The following ZBTB20 variants were observed in gnomAD, a reference collection of about 807,000 sequenced individuals.
The protein encoded by ZBTB20 is zinc finger and BTB domain containing 20.
Under a neutral mutation model 56.9 loss-of-function variants are expected in ZBTB20, and 9 were observed. The ratio of observed to expected loss-of-function variants is 0.16; its 90% CI spans 0.10 to 0.28. The LOEUF (loss-of-function observed/expected upper bound fraction) is 0.28, where lower values mean the gene tolerates loss of function less well. ZBTB20 is among the 10% of genes least tolerant of loss of function. The probability of loss-of-function intolerance (pLI) is 1.00; values close to 1 mark genes in which losing one functional copy is unlikely to be tolerated. For missense variants in ZBTB20, 655 were observed against 1,003.0 expected, an observed-to-expected ratio of 0.65 and a Z score of 4.69; for synonymous variants, 417 against 420.7, an observed-to-expected ratio of 0.99 and a Z score of 0.11.
chr3:114,535,685 C>CA (rs1009035441), intron 6 of ZBTB20, among the ~76,000 whole-genome samples: 2 of 151,948 alleles, frequency 1.3e-5, no homozygotes, highest in African/African-American at 4.8e-5. Context: ...AGAGTCACAA[C>CA]AAAAAAAGGA....
At chr3:114,387,063 C>T (rs955076659) in intron 8 of ZBTB20, among the ~76,000 whole-genome samples, 3 of 151,952 alleles carry the variant, frequency 2.0e-5, no homozygotes, top group East Asian at 1.9e-4. Flanking sequence ...TCACCTCTGC[C>T]GTGACAGACT....
chr3:114,596,371 C>G (rs955585701), intron 6 of ZBTB20, among the ~76,000 whole-genome samples: 1 of 152,148 alleles, frequency 6.6e-6, no homozygotes, highest in African/African-American at 2.4e-5. Flanking sequence ...TTTTATAATA[C>G]TGCTTTTTGA....
At chr3:114,555,252 C>T (rs926392966) in intron 6 of ZBTB20, among the ~76,000 whole-genome samples, 8 of 152,108 alleles carry the variant, frequency 5.3e-5, no homozygotes, top group African/African-American at 1.7e-4. Flanking sequence ...TTGACAATCA[C>T]GTTGCAACTC....
intron 7 of ZBTB20, among the ~76,000 whole-genome samples, chr3:114,415,601 T>C (rs957287704): frequency 2.6e-5 from 4 of 152,156 alleles, no homozygotes; most frequent in Non-Finnish European, 5.9e-5. Context: ...TGGCCTGATA[T>C]AATACTTTGC....
chr3:114,881,973 A>G (rs1198487383), intron 4 of ZBTB20, among the ~76,000 whole-genome samples: 1 of 151,934 alleles, frequency 6.6e-6, no homozygotes, highest in African/African-American at 2.4e-5. Context: ...AATTATTGAA[A>G]AAATGAAACT....
chr3:114,405,697 G>C (rs181339420), intron 7 of ZBTB20, among the ~76,000 whole-genome samples: 2 of 152,158 alleles, frequency 1.3e-5, no homozygotes, highest in Admixed American at 1.3e-4. Context: ...AGATGGTAGG[G>C]CTCTGGCATA....
chr3:114,907,763 T>A (rs946844421), intron 3 of ZBTB20, among the ~76,000 whole-genome samples: 11 of 151,964 alleles, frequency 7.2e-5, no homozygotes, highest in African/African-American at 2.7e-4. Flanking sequence ...ATTGAGTACT[T>A]ACTATGTGAC....
chr3:114,418,823 T>C (rs1390108784), intron 7 of ZBTB20, among the ~76,000 whole-genome samples: 5 of 152,082 alleles, frequency 3.3e-5, no homozygotes, highest in Non-Finnish European at 7.4e-5. Flanking sequence ...ATGGCTACTA[T>C]GTTTCCACAT....
At chr3:114,915,476 A>G (rs1270201548) in intron 3 of ZBTB20, among the ~76,000 whole-genome samples, 3 of 151,016 alleles carry the variant, frequency 2.0e-5, no homozygotes, top group African/African-American at 7.3e-5. Context: ...TTTTCTGTCA[A>G]TTTTGTTTAT....
intron 3 of ZBTB20, among the ~76,000 whole-genome samples, chr3:114,953,336 A>T (rs1177467987): frequency 6.6e-6 from 1 of 152,034 alleles, no homozygotes; most frequent in Non-Finnish European, 1.5e-5. Flanking sequence ...CAAACAGAAA[A>T]CAAAATATAA....
intron 11 of ZBTB20, among the ~76,000 whole-genome samples, chr3:114,349,769 G>A (rs2080490595): frequency 6.6e-6 from 1 of 152,176 alleles, no homozygotes; most frequent in African/African-American, 2.4e-5. Context: ...GACTTCACAT[G>A]TATTAATTTA....
chr3:114,581,999 A>G (rs1213093838), intron 6 of ZBTB20: 5 of 152,236 alleles, frequency 3.3e-5, no homozygotes, highest in Non-Finnish European at 7.4e-5. Flanking sequence ...GAGAATTGAT[A>G]AATAAATTTT....
At chr3:114,995,249 T>C (rs1281867107) in intron 2 of ZBTB20, among the ~76,000 whole-genome samples, 1 of 151,920 alleles carries the variant, frequency 6.6e-6, no homozygotes, top group Non-Finnish European at 1.5e-5. Flanking sequence ...CAAGCAAATA[T>C]GGCAAATGCT....
intron 6 of ZBTB20, among the ~76,000 whole-genome samples, chr3:114,620,287 T>C (rs116013428): frequency 6.6e-6 from 1 of 152,050 alleles, no homozygotes; most frequent in Non-Finnish European, 1.5e-5. Flanking sequence ...GACATGTTTT[T>C]TTCTTTTCTT....
At chr3:114,741,581 G>A (rs893716679) in intron 5 of ZBTB20, among the ~76,000 whole-genome samples, 7 of 152,106 alleles carry the variant, frequency 4.6e-5, no homozygotes, top group African/African-American at 1.7e-4. Flanking sequence ...GCTTCTCTAC[G>A]ACATACAGAA....
At chr3:114,773,637 T>G (rs2069374796) in intron 5 of ZBTB20, among the ~76,000 whole-genome samples, 2 of 152,136 alleles carry the variant, frequency 1.3e-5, no homozygotes, top group South Asian at 4.1e-4. Flanking sequence ...AGTGCAACAT[T>G]ACTCAAACCA....
Position 114,645,456 on chromosome 3 carries a change from T to C in ZBTB20, c.-295+48072A>G, listed in dbSNP as rs573435766. Among the ~76,000 whole-genome samples the C allele has an allele frequency of 1.1e-4, 16 of 152,330 alleles. No individual in the cohort carries two copies. The South Asian group carries it at 2.9e-3, about 28-fold the overall frequency. The stretch of plus-strand genomic sequence containing the variant: ...TTCCCAATCACTCGAAGACTGACTA[T>C]ATCAATTTGTCTTGTTATCCAGAAA... On this transcript the variant is annotated intron_variant, in intron 6 of 11. Transcript: ENST00000675478.
chr3:115,114,486 TAA>T (rs1161154159), intron 1 of ZBTB20, among the ~76,000 whole-genome samples: 1 of 152,184 alleles, frequency 6.6e-6, no homozygotes, highest in Non-Finnish European at 1.5e-5. Context: ...TTCAGATGAA[TAA>T]GTCATTCCTA....
At chr3:114,640,278 G>C (rs1353505573) in intron 6 of ZBTB20, among the ~76,000 whole-genome samples, 1 of 152,062 alleles carries the variant, frequency 6.6e-6, no homozygotes, top group African/African-American at 2.4e-5. Context: ...AAAAACTACA[G>C]GGACAGGGCG....
Sources: allele counts gnomAD v4.1 joint callset (sites outside exome capture counted in the v4.1 genomes callset), GRCh38; gene constraint gnomAD v4.1.1; transcripts MANE v1.5; gene names NCBI Gene and HGNC (gene_info 2026-07-23, HGNC 2026-07-21).